Variants in CAMKMT observed in about 807,000 individuals in gnomAD.
The protein encoded by CAMKMT is CaM KMT.
CAMKMT carries 53 observed loss-of-function variants against 48.0 expected under a neutral mutation model. The ratio of observed to expected loss-of-function variants is 1.10; its 90% CI spans 0.89 to 1.39. The LOEUF is 1.39. CAMKMT is among the 40% of genes most tolerant of loss of function. CAMKMT has a pLI of 0.00. For synonymous variants in CAMKMT, 165 were observed against 152.3 expected (o/e 1.08, Z -0.61); for missense variants, 428 against 402.7 (o/e 1.06, Z -0.54).
intron 3 of CAMKMT, among the ~76,000 whole-genome samples, chr2:44,449,469 T>C (rs1445953195): frequency 6.6e-6 from 1 of 152,198 alleles, no homozygotes; most frequent in Non-Finnish European, 1.5e-5. Context: ...CTGCTGTCCT[T>C]TCGGTTTTTT....
At chr2:44,747,627 T>G (rs759351739) in intron 8 of CAMKMT, among the ~76,000 whole-genome samples, 6 of 152,228 alleles carry the variant, frequency 3.9e-5, no homozygotes, top group Non-Finnish European at 8.8e-5. Context: ...CTCAGCACAT[T>G]TCACATTGAA....
At chr2:44,761,924 G>C (rs1206754772) in intron 9 of CAMKMT, among the ~76,000 whole-genome samples, 1 of 152,190 alleles carries the variant, frequency 6.6e-6, no homozygotes, top group Non-Finnish European at 1.5e-5. Context: ...AGATGTAGTA[G>C]GCACTTGAAA....
At chr2:44,743,354 A>T (rs1027230514) in intron 7 of CAMKMT, among the ~76,000 whole-genome samples, 1 of 152,178 alleles carries the variant, frequency 6.6e-6, no homozygotes, top group Non-Finnish European at 1.5e-5. Flanking sequence ...TAAAGATAAG[A>T]TATTTTTCTC....
chr2:44,737,328 G>C (rs1679408437), intron 7 of CAMKMT, among the ~76,000 whole-genome samples: 1 of 152,060 alleles, frequency 6.6e-6, no homozygotes, highest in African/African-American at 2.4e-5. Context: ...TGTTGCCCAT[G>C]CTGTTTTTGA....
At chr2:44,559,618 A>T (rs951441640) in intron 3 of CAMKMT, among the ~76,000 whole-genome samples, 6 of 152,042 alleles carry the variant, frequency 3.9e-5, no homozygotes, top group African/African-American at 7.2e-5. Context: ...CCTTTGAAAG[A>T]TGTGTCTTAC....
intron 3 of CAMKMT, among the ~76,000 whole-genome samples, chr2:44,424,498 C>T (rs186542050): frequency 6.6e-6 from 1 of 152,116 alleles, no homozygotes; most frequent in Non-Finnish European, 1.5e-5. Flanking sequence ...ACAATGTTTC[C>T]TCATACAATA....
At chr2:44,692,098 A>G (rs765196222) in intron 3 of CAMKMT, among the ~76,000 whole-genome samples, 2 of 152,178 alleles carry the variant, frequency 1.3e-5, no homozygotes, top group African/African-American at 2.4e-5. Flanking sequence ...ACAAGGGCAC[A>G]TTTATCCAAA....
chr2:44,527,993 C>G (rs898775518), intron 3 of CAMKMT, among the ~76,000 whole-genome samples: 8 of 152,088 alleles, frequency 5.3e-5, no homozygotes, highest in African/African-American at 1.9e-4. Flanking sequence ...TAAAAATCTT[C>G]TGTGCTTCAC....
chr2:44,629,995 A>G (rs1672722386), intron 3 of CAMKMT, among the ~76,000 whole-genome samples: 1 of 151,698 alleles, frequency 6.6e-6, no homozygotes, highest in Non-Finnish European at 1.5e-5. Flanking sequence ...ACTTCAAACT[A>G]TACTACAAGG....
intron 3 of CAMKMT, among the ~76,000 whole-genome samples, chr2:44,529,014 C>G (rs1322852031): frequency 6.6e-6 from 1 of 152,030 alleles, no homozygotes; most frequent in Non-Finnish European, 1.5e-5. Context: ...ATGTGTTTAT[C>G]TTTCTTCATT....
At chr2:44,619,586 C>T (rs902346408) in intron 3 of CAMKMT, among the ~76,000 whole-genome samples, 15 of 151,990 alleles carry the variant, frequency 9.9e-5, no homozygotes, top group Admixed American at 3.9e-4. Context: ...TGGCAATTGC[C>T]GACCCTCCAA....
At chr2:44,477,141 A>G (rs1345445714) in intron 3 of CAMKMT, among the ~76,000 whole-genome samples, 1 of 152,222 alleles carries the variant, frequency 6.6e-6, no homozygotes, top group Non-Finnish European at 1.5e-5. Flanking sequence ...TATGTATTTA[A>G]TCACTATCTT....
intron 4 of CAMKMT, among the ~76,000 whole-genome samples, chr2:44,705,826 TTG>T (rs900130336): frequency 1.3e-4 from 20 of 152,180 alleles, no homozygotes; most frequent in African/African-American, 4.6e-4. Flanking sequence ...TCTATTTATT[TTG>T]TGTGTGTTGT....
At position 44,412,243 on chromosome 2, in the gene CAMKMT, A is replaced by G. The variant is rs192891046; in HGVS notation, c.376+21938A>G. ...TGCGATGCCTGTTCTACTCCCGTAC[A>G]TACAATGGGGGTTCAAACCAAAATA... is the stretch of plus-strand genomic sequence containing the variant. On this transcript the variant is annotated intron_variant, in intron 3 of 10. Coordinates refer to ENST00000378494, the MANE Select transcript of CAMKMT (RefSeq NM_024766.5). Among the ~76,000 whole-genome samples the G allele has an allele frequency of 3.0e-3, 456 of 152,294 alleles. 2 individuals are homozygous for G. The highest frequency in any genetic ancestry group is 4.7e-3 in the Non-Finnish European group (322 of 68,016).
rs557761174 is a variant in CAMKMT, at chr2:44,560,221, A to G, written c.377-144062A>G. On this transcript the variant is annotated intron_variant, in intron 3 of 10. Coordinates refer to ENST00000378494, the MANE Select transcript of CAMKMT (RefSeq NM_024766.5). Reference sequence around the variant, plus strand: ...TTCTTAGTCTTGTCCATAAGAATCTATCTGAGGCTTAGTTAAATGTCTTCT... The same window carrying G: ...TTCTTAGTCTTGTCCATAAGAATCTGTCTGAGGCTTAGTTAAATGTCTTCT... Among the ~76,000 whole-genome samples the G allele has an allele frequency of 2.0e-4, 31 of 152,310 alleles. No homozygotes were observed. In the East Asian group the frequency reaches 5.6e-3, roughly 27 times the overall value.
chr2:44,633,304 A>G (rs149913427), intron 3 of CAMKMT, among the ~76,000 whole-genome samples: 33 of 152,168 alleles, frequency 2.2e-4, no homozygotes, highest in African/African-American at 7.2e-4. Flanking sequence ...GGCCTTATGT[A>G]TCTTTGGTTT....
chr2:44,364,904 ACAT>A (rs1424851746), intron 1 of CAMKMT, among the ~76,000 whole-genome samples: 1 of 152,210 alleles, frequency 6.6e-6, no homozygotes, highest in African/African-American at 2.4e-5. Context: ...ACCCCTGCTC[ACAT>A]CATGTGTTTA....
At chr2:44,475,877 T>G (rs1420851192) in intron 3 of CAMKMT, among the ~76,000 whole-genome samples, 1 of 152,258 alleles carries the variant, frequency 6.6e-6, no homozygotes, top group East Asian at 1.9e-4. Flanking sequence ...AGTCTGTGAC[T>G]GCATTCTCTG....
chr2:44,465,997 T>C (rs573677214), intron 3 of CAMKMT, among the ~76,000 whole-genome samples: 13 of 152,290 alleles, frequency 8.5e-5, no homozygotes, highest in African/African-American at 2.9e-4. Context: ...AGTCTAAATA[T>C]ATATGCATCT....
Sources: gnomAD v4.1 joint callset for allele counts (sites outside exome capture counted in the v4.1 genomes callset) on GRCh38, gnomAD v4.1.1 for gene constraint, MANE v1.5 for transcripts, NCBI Gene and HGNC (gene_info 2026-07-23, HGNC 2026-07-21) for gene names.